The following CALN1 variants were observed in gnomAD, a reference collection of about 807,000 sequenced individuals.
CALN1 encodes the protein calcium-binding protein 8.
In CALN1, 17 loss-of-function variants were observed where a neutral mutation model predicts 30.6. The observed-to-expected ratio is 0.56, with a 90% confidence interval of 0.38 to 0.83. The LOEUF (loss-of-function observed/expected upper bound fraction) is 0.83, where lower values mean the gene tolerates loss of function less well. Among genes scored for constraint, CALN1 ranks in the 40% least tolerant of loss-of-function variants. The pLI is 0.00. For missense variants in CALN1, 291 were observed against 354.9 expected (o/e 0.82, Z 1.45); for synonymous variants, 156 against 131.4 (o/e 1.19, Z -1.28).
At chr7:72,007,659 T>A (rs910517446) in intron 5 of CALN1, among the ~76,000 whole-genome samples, 1 of 152,200 alleles carries the variant, frequency 6.6e-6, no homozygotes, top group African/African-American at 2.4e-5. Flanking sequence ...AAATGTAAAT[T>A]CCATGAGTGC....
At chr7:71,986,893 T>C (rs1179965106) in intron 5 of CALN1, among the ~76,000 whole-genome samples, 2 of 152,106 alleles carry the variant, frequency 1.3e-5, no homozygotes, top group African/African-American at 4.8e-5. Flanking sequence ...TTTGGGAGAC[T>C]GAGGCAGGCA....
At chr7:71,930,831 TCTTCTC>T (rs1795512849) in intron 5 of CALN1, among the ~76,000 whole-genome samples, 1 of 152,198 alleles carries the variant, frequency 6.6e-6, no homozygotes, top group South Asian at 2.1e-4. Context: ...CCTTCCCTTC[TCTTCTC>T]CATCTTTAAA....
intron 3 of CALN1, among the ~76,000 whole-genome samples, chr7:72,248,024 G>A (rs1406943744): frequency 6.6e-6 from 1 of 152,152 alleles, no homozygotes; most frequent in Non-Finnish European, 1.5e-5. Context: ...AAACACAAAT[G>A]TATCATCTTA....
At chr7:71,815,725 T>TCTTC (rs547687621) in intron 5 of CALN1, among the ~76,000 whole-genome samples, 2 of 150,696 alleles carry the variant, frequency 1.3e-5, no homozygotes, top group Non-Finnish European at 3.0e-5. Context: ...ATCCTTCCTT[T>TCTTC]CTTCCTTCCT....
chr7:72,047,131 G>A (rs1036295441), intron 4 of CALN1, among the ~76,000 whole-genome samples: 1 of 152,084 alleles, frequency 6.6e-6, no homozygotes, highest in Non-Finnish European at 1.5e-5. Flanking sequence ...GAGAAGGGAA[G>A]CACTGCCCTT....
At chr7:72,214,632 A>C (rs1792641948) in intron 3 of CALN1, among the ~76,000 whole-genome samples, 1 of 152,056 alleles carries the variant, frequency 6.6e-6, no homozygotes, top group Admixed American at 6.6e-5. Context: ...AAAGAAAAAA[A>C]AATAGGTCTT....
intron 3 of CALN1, among the ~76,000 whole-genome samples, chr7:72,165,606 A>ACAAACAAG (rs1341028478): frequency 1.3e-5 from 2 of 152,108 alleles, no homozygotes; most frequent in Non-Finnish European, 2.9e-5. Context: ...CAACAAACAA[A>ACAAACAAG]CAAACAAGCA....
At chr7:71,812,917 TATCATC>T (rs374067128) in intron 5 of CALN1, among the ~76,000 whole-genome samples, 97 of 138,120 alleles carry the variant, frequency 7.0e-4, no homozygotes, top group African/African-American at 2.4e-3. Flanking sequence ...CTATTTTATT[TATCATC>T]ATCATCATTA....
rs181724805 is a variant in CALN1 at position 71,881,313 on chromosome 7, T to C, written c.502-70821A>G. Reference sequence around the variant, plus strand: ...GATGGCCTATTGTGGGACTTCACCTTGTGATTGTCTGGGTCAATTCTCCTT... The same window carrying C: ...GATGGCCTATTGTGGGACTTCACCTCGTGATTGTCTGGGTCAATTCTCCTT... On this transcript the variant is annotated intron_variant, in intron 5 of 6. Coordinates refer to ENST00000395275, the MANE Select transcript of CALN1 (RefSeq NM_031468.4). Among the ~76,000 whole-genome samples the C allele has an allele frequency of 7.6e-4, 115 of 152,286 alleles. 1 individual carries two copies. Among genetic ancestry groups the C allele is most frequent in the South Asian group, 2.1e-4 (1 of 4,826 alleles).
At chr7:72,375,245 T>TTC (rs1274944057) in intron 2 of CALN1, among the ~76,000 whole-genome samples, 2 of 152,148 alleles carry the variant, frequency 1.3e-5, no homozygotes, top group Non-Finnish European at 2.9e-5. Flanking sequence ...GTGAGCTCTA[T>TTC]TCTCATCTGG....
intron 2 of CALN1, among the ~76,000 whole-genome samples, chr7:72,376,602 C>T (rs79638201): frequency 0.013 from 2,048 of 152,296 alleles, 60 homozygotes; most frequent in African/African-American, 0.047. Flanking sequence ...ATATTCTCTA[C>T]ATTTGACCAT....
At chr7:71,868,395 G>A (rs1213829948) in intron 5 of CALN1, among the ~76,000 whole-genome samples, 4 of 147,104 alleles carry the variant, frequency 2.7e-5, no homozygotes, top group African/African-American at 7.6e-5. Context: ...TTTTTGAGAC[G>A]GAGTTTTGCT....
chr7:71,790,412 GAAAGAAAGA>G (rs1331320907), intron 6 of CALN1, among the ~76,000 whole-genome samples: 6 of 146,602 alleles, frequency 4.1e-5, no homozygotes, highest in African/African-American at 1.5e-4. Flanking sequence ...AAGAAAGAAA[GAAAGAAAGA>G]AAGAAGCAAG....
chr7:72,255,319 C>T (rs1455024810), intron 3 of CALN1, among the ~76,000 whole-genome samples: 3 of 151,994 alleles, frequency 2.0e-5, no homozygotes, highest in Admixed American at 6.6e-5. Context: ...TCTCAAACTC[C>T]TGATCTCATG....
At chr7:72,251,154 C>T (rs542671636) in intron 3 of CALN1, among the ~76,000 whole-genome samples, 1 of 152,252 alleles carries the variant, frequency 6.6e-6, no homozygotes, top group African/African-American at 2.4e-5. Context: ...CCTAAGCCCT[C>T]AGACCTAATC....
intron 2 of CALN1, among the ~76,000 whole-genome samples, chr7:72,317,657 AG>A (rs1395879015): frequency 6.6e-6 from 1 of 152,182 alleles, no homozygotes. Context: ...GACCTGGCCT[AG>A]GAAGTCCCCC....
intron 2 of CALN1, among the ~76,000 whole-genome samples, chr7:72,302,630 A>AC (rs1799356937): frequency 6.6e-6 from 1 of 152,068 alleles, no homozygotes; most frequent in South Asian, 2.1e-4. Flanking sequence ...GCAGTGGCTC[A>AC]CACCTGTAAT....
At chr7:72,389,941 A>G (rs1334098382) in intron 2 of CALN1, among the ~76,000 whole-genome samples, 1 of 148,300 alleles carries the variant, frequency 6.7e-6, no homozygotes, top group African/African-American at 2.6e-5. Context: ...AAAAAAAAAG[A>G]AGAAAGAAAA....
At chr7:72,071,448 C>T (rs1235925998) in intron 4 of CALN1, among the ~76,000 whole-genome samples, 1 of 152,054 alleles carries the variant, frequency 6.6e-6, no homozygotes, top group Non-Finnish European at 1.5e-5. Flanking sequence ...TTTTGGAAGT[C>T]AGACATCAAA....
Sources: gnomAD v4.1 joint callset for allele counts (sites outside exome capture counted in the v4.1 genomes callset) on GRCh38, gnomAD v4.1.1 for gene constraint, MANE v1.5 for transcripts, NCBI Gene and HGNC (gene_info 2026-07-23, HGNC 2026-07-21) for gene names.